Variants in DNAJC19 observed in about 807,000 individuals in gnomAD.
DNAJC19 encodes DnaJ heat shock protein family (Hsp40) member C19, also known as mitochondrial import inner membrane translocase subunit TIM14.
In DNAJC19, 15 loss-of-function variants were observed where a neutral mutation model predicts 19.8. The ratio of observed to expected loss-of-function variants is 0.76; its 90% CI spans 0.51 to 1.17. The LOEUF (loss-of-function observed/expected upper bound fraction) is 1.17. Ranked by LOEUF, DNAJC19 falls within the 50% of genes most tolerant of loss-of-function variation. The pLI is 0.00. For synonymous variants in DNAJC19, 38 were observed against 42.1 expected, an observed-to-expected ratio of 0.90 and a Z score of 0.38; for missense variants, 105 against 140.9, an observed-to-expected ratio of 0.75 and a Z score of 1.29.
At chr3:180,986,260 T>G (rs1202438614) in intron 4 of DNAJC19, among the ~76,000 whole-genome samples, 5 of 151,764 alleles carry the variant, frequency 3.3e-5, no homozygotes, top group African/African-American at 4.8e-5. Context: ...TGTTTAAGGA[T>G]TTGAAAATGA....
chr3:180,986,974 T>C lies in DNAJC19; in HGVS notation c.178A>G (p.Lys60Glu), dbSNP rs750863389. ...CCTAGTATTAATGCTGCTTCCCGTT[T>C]TGTCATTTTGGGTTCAAACCCACCT... The part of the protein sequence containing the change: ...YRGGFEPKMT[K>E]REAALILGVS... The change falls in exon 4 of 6, where the codon AAA (lysine) becomes GAA (glutamate). Residue 60 changes from lysine to glutamate, a missense_variant. Transcript: ENST00000382564. 6.2e-7 allele frequency: 1 copy of C among 1,614,058 alleles called. No homozygotes were observed. The highest frequency in any genetic ancestry group is 1.1e-5 in the South Asian group (1 of 91,080).
chr3:180,984,836 AT>A (rs1714817048), intron 5 of DNAJC19, 126 bp from the exon 6 acceptor site: 1 of 663,182 alleles, frequency 1.5e-6, no homozygotes, highest in African/African-American at 1.8e-5. Context: ...CAGTGTTTTA[AT>A]TTTTAAAAAA....
intron 5 of DNAJC19, chr3:180,985,545 A>C (rs1238707983): frequency 1.4e-5 from 3 of 210,028 alleles, no homozygotes; most frequent in African/African-American, 7.0e-5. Context: ...AACACAGCCA[A>C]GGCTGCATAG....
chr3:180,985,322 G>A (rs1031350751), intron 5 of DNAJC19: 3 of 153,990 alleles, frequency 1.9e-5, no homozygotes, highest in Admixed American at 1.9e-4. Flanking sequence ...CTCCACTGCC[G>A]ACCTACTGAG....
At chr3:180,989,340 A>T in intron 1 of DNAJC19, 1 of 1,420,116 alleles carries the variant, frequency 7.0e-7, no homozygotes, top group South Asian at 1.5e-5. Flanking sequence ...ACCTTACAGG[A>T]GTTCCAGGCA....
At chr3:180,988,351 T>TTA in intron 1 of DNAJC19, 122 bp from the exon 2 acceptor site, 14 of 1,095,486 alleles carry the variant, frequency 1.3e-5, no homozygotes, top group Non-Finnish European at 1.7e-5. Context: ...ACTTTTTTTT[T>TTA]TCTTTTTTTT....
At position 180,986,011 on chromosome 3, in the gene DNAJC19, A is replaced by G; in HGVS notation, c.210-15T>C. The G allele has an allele frequency of 6.2e-7, 1 of 1,605,652 alleles. No homozygotes were observed. The highest frequency in any genetic ancestry group is 8.5e-7 in the Non-Finnish European group (1 of 1,173,738). ...TGGCAGTAGGGCTAATTAAAAAAAG[A>G]AATGGTATTTACTTCATCCTACTTC... On this transcript the variant is annotated splice_polypyrimidine_tract_variant and intron_variant, in intron 4 of 5. Coordinates refer to ENST00000382564, the MANE Select transcript of DNAJC19 (RefSeq NM_145261.4).
At chr3:180,987,938 C>T (rs1714992083) in intron 3 of DNAJC19, 85 bp downstream of exon 3, 4 of 1,511,376 alleles carry the variant, frequency 2.6e-6, no homozygotes, top group Non-Finnish European at 3.7e-6. Flanking sequence ...TCACTTAGAA[C>T]TTCATGGATA....
At chr3:180,986,056 G>A in intron 4 of DNAJC19, 60 bp from the exon 5 acceptor site, 1 of 1,355,242 alleles carries the variant, frequency 7.4e-7, no homozygotes, top group Non-Finnish European at 1.0e-6. Flanking sequence ...TCAAAAAACT[G>A]TACATAAAGG....
chr3:180,987,044 T>C (rs746616659), intron 3 of DNAJC19, 22 bp from the exon 4 acceptor site: 3 of 1,601,758 alleles, frequency 1.9e-6, no homozygotes, highest in African/African-American at 1.3e-5. Context: ...AATGCATTTG[T>C]AAAGAAAGGT....
chr3:180,987,154 A>G (rs1714953801), intron 3 of DNAJC19, 132 bp from the exon 4 acceptor site: 5 of 761,702 alleles, frequency 6.6e-6, no homozygotes, highest in Non-Finnish European at 1.1e-5. Flanking sequence ...TTCCCGAGGT[A>G]TTTTAGCTAA....
chr3:180,984,169 TTCCAAGTA>T lies in DNAJC19; in HGVS notation c.*463_*470del, dbSNP rs1714770565. 2.2e-6 allele frequency: 1 copy of T among 454,046 alleles called. No homozygotes were observed. Among genetic ancestry groups the T allele is most frequent in the Non-Finnish European group, 4.4e-6 (1 of 226,780 alleles). 28.1% of individuals were successfully genotyped at this position (454,046 alleles called of 1,614,324 possible). A position where few individuals can be genotyped will look rare whatever the true frequency, so the allele number is the denominator to read the frequency against. ...GTTAAATTCACTTTTAAATACAAGG[TTCCAAGTA>T]TCCAAGTTGCCAGGCCAGTTGCCTG... On this transcript the variant is annotated 3_prime_UTR_variant, in exon 6 of 6. Transcript: ENST00000382564.
rs541245763 is a variant in DNAJC19, at chr3:180,986,359, G to A, written c.210-363C>T. ...TGCAGTGGCTTGATCTTGGTTCACT[G>A]CAACCTCGGCCTCCCGGGTTCAAGC... On this transcript the variant is annotated intron_variant, in intron 4 of 5. Coordinates refer to ENST00000382564, the MANE Select transcript of DNAJC19 (RefSeq NM_145261.4). 3.3e-4 allele frequency among the ~76,000 whole-genome samples: 49 copies of A among 149,294 alleles called. No individual in the cohort carries two copies. The South Asian group carries it at 9.6e-3, about 29-fold the overall frequency.
intron 1 of DNAJC19, among the ~76,000 whole-genome samples, chr3:180,989,145 C>T (rs1242762923): frequency 2.0e-5 from 3 of 152,154 alleles, no homozygotes; most frequent in African/African-American, 7.2e-5. Flanking sequence ...ACCTTTGGCA[C>T]TGCCCTGTTG....
rs375439278 is a variant in DNAJC19, at chr3:180,984,392, G to A, written c.*248C>T. 12 of 518,918 alleles carry A rather than the reference G, an allele frequency of 2.3e-5. No individual in the cohort carries two copies. The highest frequency in any genetic ancestry group is 2.1e-4 in the African/African-American group (11 of 52,558). 32.1% of individuals were successfully genotyped at this position (518,918 alleles called of 1,614,324 possible). On this transcript the variant is annotated 3_prime_UTR_variant, in exon 6 of 6. Transcript: ENST00000382564. Reference sequence around the variant, plus strand: ...AGTAGACATAGGTCCCAAATTATCTGCTAAATGAGTAATGAACAATATTTC... The same window carrying A: ...AGTAGACATAGGTCCCAAATTATCTACTAAATGAGTAATGAACAATATTTC...
intron 5 of DNAJC19, 93 bp downstream of exon 5, chr3:180,985,833 C>T (rs1348860726): frequency 2.7e-6 from 3 of 1,116,590 alleles, no homozygotes; most frequent in Non-Finnish European, 4.1e-6. Context: ...TTAAGTGTTA[C>T]CTTTCTAATA....
intron 1 of DNAJC19, 110 bp downstream of exon 1, chr3:180,989,490 G>A (rs1715106085): frequency 6.5e-7 from 1 of 1,541,980 alleles, no homozygotes; most frequent in Non-Finnish European, 8.8e-7. Flanking sequence ...GAAACCTCCC[G>A]CCCGCAGTCG....
intron 5 of DNAJC19, 134 bp from the exon 6 acceptor site, chr3:180,984,844 AAAAT>A: frequency 1.6e-6 from 1 of 626,468 alleles, no homozygotes; most frequent in Middle Eastern, 2.6e-4. Context: ...TAATTTTTAA[AAAAT>A]AACCCTGACA....
chr3:180,989,361 G>A, intron 1 of DNAJC19: 1 of 1,426,228 alleles, frequency 7.0e-7, no homozygotes, highest in Non-Finnish European at 9.1e-7. Context: ...AGCAACACCT[G>A]CAGAGCCCGT....
Sources: allele counts gnomAD v4.1 joint callset (sites outside exome capture counted in the v4.1 genomes callset), GRCh38; gene constraint gnomAD v4.1.1; transcripts MANE v1.5; gene names NCBI Gene and HGNC (gene_info 2026-07-23, HGNC 2026-07-21).